BMPER: variants seen among roughly 807,000 people sequenced by gnomAD.
BMPER encodes BMP-binding endothelial regulator protein.
In BMPER, 45 loss-of-function variants were observed where a neutral mutation model predicts 87.3. The ratio of observed to expected loss-of-function variants is 0.52; its 90% CI spans 0.41 to 0.66. BMPER has a LOEUF of 0.66. BMPER is among the 30% of genes least tolerant of loss of function. BMPER has a pLI of 0.00. For missense variants in BMPER, 784 were observed against 867.5 expected (o/e 0.90, Z 1.21); for synonymous variants, 326 against 316.2 (o/e 1.03, Z -0.33).
At chr7:34,084,459 TG>T (rs1161831102) in intron 12 of BMPER, among the ~76,000 whole-genome samples, 1 of 152,176 alleles carries the variant, frequency 6.6e-6, no homozygotes, top group Admixed American at 6.5e-5. Context: ...AGATGTTTCT[TG>T]GTGTCCATGC....
chr7:34,034,579 T>C (rs1417729617), intron 6 of BMPER, among the ~76,000 whole-genome samples: 1 of 152,234 alleles, frequency 6.6e-6, no homozygotes, highest in Middle Eastern at 3.2e-3. Flanking sequence ...CAAAGCAGTA[T>C]GGAAGTCTCC....
At chr7:34,074,008 T>G (rs1037989623) in intron 11 of BMPER, among the ~76,000 whole-genome samples, 1 of 152,174 alleles carries the variant, frequency 6.6e-6, no homozygotes, top group African/African-American at 2.4e-5. Flanking sequence ...GCACTGGCTG[T>G]GGGTTTGGAT....
At position 33,949,431 on chromosome 7, in the gene BMPER, G is replaced by C. The variant is rs538159976; in HGVS notation, c.319+12043G>C. On this transcript the variant is annotated intron_variant, in intron 3 of 14. Coordinates refer to ENST00000649409, the MANE Select transcript of BMPER (RefSeq NM_001365308.1). ...CAGCCTCTGCATACTCTCTCTCTCTGTGTGCATGTTTCATTTCTTTGTGTG... is the reference window on the plus strand; with the variant it reads ...CAGCCTCTGCATACTCTCTCTCTCTCTGTGCATGTTTCATTTCTTTGTGTG... Among the ~76,000 whole-genome samples the C allele has an allele frequency of 7.1e-4, 108 of 152,198 alleles. 1 individual carries two copies. The highest frequency in any genetic ancestry group is 2.6e-3 in the African/African-American group (107 of 41,540).
chr7:34,088,736 G>A (rs1406670991), intron 13 of BMPER, among the ~76,000 whole-genome samples: 1 of 152,178 alleles, frequency 6.6e-6, no homozygotes, highest in East Asian at 1.9e-4. Flanking sequence ...CTGGCACAGA[G>A]CGTGCTGCTG....
At chr7:33,980,702 C>G (rs1489637305) in intron 6 of BMPER, among the ~76,000 whole-genome samples, 2 of 152,160 alleles carry the variant, frequency 1.3e-5, no homozygotes, top group Non-Finnish European at 2.9e-5. Context: ...AAAAGAGCAG[C>G]AAGTCCTCTG....
chr7:34,056,920 T>C (rs1788302585), intron 9 of BMPER, among the ~76,000 whole-genome samples: 1 of 152,174 alleles, frequency 6.6e-6, no homozygotes, highest in African/African-American at 2.4e-5. Context: ...CCGGCTGCAA[T>C]ACACTTGTAA....
At chr7:34,100,520 C>A (rs1789654065) in intron 13 of BMPER, among the ~76,000 whole-genome samples, 1 of 152,198 alleles carries the variant, frequency 6.6e-6, no homozygotes, top group Non-Finnish European at 1.5e-5. Context: ...GTGCACCCAT[C>A]CCAAAGGCTC....
chr7:34,062,487 A>G (rs954010958), intron 11 of BMPER, among the ~76,000 whole-genome samples: 1 of 132,366 alleles, frequency 7.6e-6, no homozygotes, highest in African/African-American at 2.9e-5. Flanking sequence ...CCTCATCACC[A>G]TGTCACCTGG....
intron 6 of BMPER, among the ~76,000 whole-genome samples, chr7:34,020,508 G>C (rs1227571970): frequency 6.6e-6 from 1 of 151,918 alleles, no homozygotes; most frequent in African/African-American, 2.4e-5. Flanking sequence ...CTGAAATGAA[G>C]GTTCCTGAGC....
chr7:34,149,563 A>C (rs1791117547), intron 14 of BMPER, among the ~76,000 whole-genome samples: 2 of 152,166 alleles, frequency 1.3e-5, no homozygotes, highest in African/African-American at 4.8e-5. Context: ...CAGACAGAAG[A>C]GAAAACAATG....
chr7:34,102,017 T>C (rs965370375), intron 13 of BMPER, among the ~76,000 whole-genome samples: 54 of 152,216 alleles, frequency 3.5e-4, no homozygotes, highest in African/African-American at 1.2e-3. Flanking sequence ...GTGGTTAAAG[T>C]TGTAACACAT....
At chr7:34,127,505 G>T (rs1163693525) in intron 13 of BMPER, among the ~76,000 whole-genome samples, 1 of 151,862 alleles carries the variant, frequency 6.6e-6, no homozygotes, top group Non-Finnish European at 1.5e-5. Flanking sequence ...TCTTCTCCCT[G>T]ATCCCACCAA....
rs1169666624 is a variant in BMPER at position 34,007,921 on chromosome 7, AGAG to A, written c.576+33138_576+33140del. The stretch of plus-strand genomic sequence containing the variant: ...GCTGCAGTGATATTCACCTCCATTG[AGAG>A]TGTATCAGGGTGCCTGATGGACCAT... On this transcript the variant is annotated intron_variant, in intron 6 of 14. Coordinates refer to ENST00000649409, the MANE Select transcript of BMPER (RefSeq NM_001365308.1). 2.6e-5 allele frequency among the ~76,000 whole-genome samples: 4 copies of A among 152,060 alleles called. No homozygotes were observed. The East Asian group carries it at 7.8e-4, about 29-fold the overall frequency.
chr7:33,988,063 ATAT>A (rs1262196002), intron 6 of BMPER, among the ~76,000 whole-genome samples: 7 of 152,314 alleles, frequency 4.6e-5, no homozygotes, highest in Admixed American at 2.6e-4. Context: ...TTCAAAACGA[ATAT>A]GAAAAATTAC....
chr7:33,912,337 G>T (rs1783985826), intron 2 of BMPER, among the ~76,000 whole-genome samples: 1 of 152,124 alleles, frequency 6.6e-6, no homozygotes, highest in Non-Finnish European at 1.5e-5. Flanking sequence ...CTTGTGGAAG[G>T]CTCTCGACCC....
At chr7:34,038,780 G>A (rs911571747) in intron 6 of BMPER, among the ~76,000 whole-genome samples, 3 of 152,136 alleles carry the variant, frequency 2.0e-5, no homozygotes, top group African/African-American at 7.2e-5. Flanking sequence ...TGTCTTCATC[G>A]AGCTTTGCTG....
At chr7:34,018,363 A>C (rs1787091492) in intron 6 of BMPER, among the ~76,000 whole-genome samples, 1 of 151,914 alleles carries the variant, frequency 6.6e-6, no homozygotes, top group Non-Finnish European at 1.5e-5. Context: ...CCTTTAGCAC[A>C]TATTGAGAAG....
chr7:33,924,955 C>G (rs1047942091), intron 2 of BMPER, among the ~76,000 whole-genome samples: 1 of 152,206 alleles, frequency 6.6e-6, no homozygotes, highest in African/African-American at 2.4e-5. Context: ...AGCCACTGCA[C>G]CCGGCCTAAA....
Position 34,079,082 on chromosome 7 carries a change from A to C in BMPER, c.1304A>C (p.His435Pro), listed in dbSNP as rs1470239549. ...LGESRVSLQQ[H>P]LTVRWNGSRI... ...GAGAGCAGGGTCAGCCTGCAGCAGC[A>C]CCTCACCGTGCGCTGGAACGGCTCG... is the stretch of plus-strand genomic sequence containing the variant. Residue 435 changes from histidine to proline, a missense_variant, in exon 12 of 15, where the codon CAC (histidine) becomes CCC (proline). Transcript: ENST00000649409. 6.2e-7 allele frequency: 1 copy of C among 1,613,946 alleles called. No homozygotes were observed. Among genetic ancestry groups the C allele is most frequent in the Admixed American group, 1.7e-5 (1 of 60,000 alleles).
Sources: gnomAD v4.1 joint callset for allele counts (sites outside exome capture counted in the v4.1 genomes callset) on GRCh38, gnomAD v4.1.1 for gene constraint, MANE v1.5 for transcripts, NCBI Gene and HGNC (gene_info 2026-07-23, HGNC 2026-07-21) for gene names.